R3HCC1L: variants seen among roughly 807,000 people sequenced by gnomAD.
R3HCC1L encodes coiled-coil domain-containing protein R3HCC1L.
Under a neutral mutation model 59.9 loss-of-function variants are expected in R3HCC1L, and 51 were observed. The observed-to-expected ratio is 0.85, with a 90% CI of 0.68 to 1.07. R3HCC1L has a LOEUF of 1.07. R3HCC1L is among the 50% of genes least tolerant of loss of function. The pLI, the probability that R3HCC1L is intolerant of heterozygous loss-of-function variation, is 0.00. For synonymous variants in R3HCC1L, 322 were observed against 315.2 expected, an observed-to-expected ratio of 1.02 and a Z score of -0.23; for missense variants, 965 against 933.0, an observed-to-expected ratio of 1.03 and a Z score of -0.45.
chr10:98,163,210 C>T, intron 3 of R3HCC1L, 83 bp from the exon 4 acceptor site: 1 of 381,752 alleles, frequency 2.6e-6, no homozygotes, highest in Non-Finnish European at 4.7e-6. Flanking sequence ...CAAAGTGAGA[C>T]AATGAAAGTT....
intron 4 of R3HCC1L, among the ~76,000 whole-genome samples, chr10:98,175,533 A>G (rs540499870): frequency 2.6e-4 from 40 of 152,214 alleles, no homozygotes; most frequent in Middle Eastern, 6.8e-3. Context: ...ACAGTTTTGT[A>G]TTTTCCAGGA....
chr10:98,239,030 A>C (rs1264528739), intron 9 of R3HCC1L, among the ~76,000 whole-genome samples: 1 of 152,220 alleles, frequency 6.6e-6, no homozygotes, highest in Non-Finnish European at 1.5e-5. Context: ...TTTGCCATTA[A>C]CTAGCTGCGT....
chr10:98,211,653 A>G (rs1167791237), intron 5 of R3HCC1L, among the ~76,000 whole-genome samples: 2 of 152,136 alleles, frequency 1.3e-5, no homozygotes, highest in Admixed American at 1.3e-4. Flanking sequence ...CGTGGCTCTC[A>G]TGGCCTTTTA....
At chr10:98,215,377 T>G (rs1454616350) in intron 5 of R3HCC1L, among the ~76,000 whole-genome samples, 2 of 151,760 alleles carry the variant, frequency 1.3e-5, no homozygotes, top group Non-Finnish European at 2.9e-5. Flanking sequence ...TTATACATAT[T>G]GAAACAACTC....
At chr10:98,199,630 T>C (rs1851824669) in intron 4 of R3HCC1L, among the ~76,000 whole-genome samples, 1 of 151,966 alleles carries the variant, frequency 6.6e-6, no homozygotes, top group African/African-American at 2.4e-5. Flanking sequence ...ATTAGGAATA[T>C]ACACTTAAGA....
intron 5 of R3HCC1L, chr10:98,211,480 G>T (rs1853566404): frequency 8.3e-7 from 1 of 1,208,530 alleles, no homozygotes; most frequent in Non-Finnish European, 1.1e-6. Flanking sequence ...AAGGTGGGAA[G>T]CTAGGTGAAT....
intron 2 of R3HCC1L, among the ~76,000 whole-genome samples, chr10:98,158,697 T>C (rs911931107): frequency 6.6e-6 from 1 of 152,230 alleles, no homozygotes. Context: ...ATTTTACTCA[T>C]TGGCCCATTG....
intron 4 of R3HCC1L, among the ~76,000 whole-genome samples, chr10:98,197,999 T>G (rs1418629629): frequency 6.6e-6 from 1 of 152,126 alleles, no homozygotes; most frequent in African/African-American, 2.4e-5. Context: ...CTGAAGAATT[T>G]TGAACTGGGA....
intron 5 of R3HCC1L, among the ~76,000 whole-genome samples, chr10:98,212,549 A>G (rs1853702678): frequency 6.6e-6 from 1 of 152,198 alleles, no homozygotes; most frequent in African/African-American, 2.4e-5. Context: ...TGAGTCTCCA[A>G]GAATCACACT....
In R3HCC1L at chr10:98,209,308, A is replaced by G. The variant is rs1250621491; in HGVS notation, c.1194A>G (p.Ala398=). The G allele has an allele frequency of 6.2e-7, 1 of 1,613,988 alleles. No homozygotes were observed. The highest frequency in any genetic ancestry group is 1.1e-5 in the South Asian group (1 of 91,070). The change falls in exon 5 of 10, where the codon GCA becomes GCG. Residue 398 remains alanine, a synonymous_variant. Transcript: ENST00000298999. The stretch of plus-strand genomic sequence containing the variant: ...CTGTTGATAGCCCTTATGTAGTTGC[A>G]GTTAGAATAGCTGATGAGACCTCTA... ...HVTVDSPYVV[A]VRIADETSIN... is the part of the protein sequence containing the mutation.
intron 4 of R3HCC1L, among the ~76,000 whole-genome samples, chr10:98,205,713 G>C (rs1852560960): frequency 6.6e-6 from 1 of 152,138 alleles, no homozygotes; most frequent in Non-Finnish European, 1.5e-5. Context: ...ATAGGAAATA[G>C]TATTACATGT....
chr10:98,188,659 A>C (rs1338990051), intron 4 of R3HCC1L, among the ~76,000 whole-genome samples: 3 of 152,200 alleles, frequency 2.0e-5, no homozygotes, highest in Non-Finnish European at 4.4e-5. Flanking sequence ...GGGGCTTCTC[A>C]TCTCCTAACA....
intron 4 of R3HCC1L, among the ~76,000 whole-genome samples, chr10:98,198,682 A>T (rs1851723659): frequency 1.3e-5 from 2 of 152,158 alleles, no homozygotes; most frequent in African/African-American, 4.8e-5. Context: ...GATCCTTTAA[A>T]AAAATCATTA....
At chr10:98,149,739 A>C (rs1441894333) in intron 1 of R3HCC1L, among the ~76,000 whole-genome samples, 1 of 152,214 alleles carries the variant, frequency 6.6e-6, no homozygotes, top group Non-Finnish European at 1.5e-5. Context: ...TCAAAGATAT[A>C]GTCTGTTCTG....
chr10:98,228,918 C>G (rs1029633430), intron 5 of R3HCC1L, among the ~76,000 whole-genome samples: 1 of 152,058 alleles, frequency 6.6e-6, no homozygotes, highest in African/African-American at 2.4e-5. Flanking sequence ...ATTTCTGAGG[C>G]CTCTGTTCTG....
intron 1 of R3HCC1L, among the ~76,000 whole-genome samples, chr10:98,145,706 C>T (rs1410170596): frequency 6.6e-6 from 1 of 152,204 alleles, no homozygotes; most frequent in Non-Finnish European, 1.5e-5. Flanking sequence ...AATCCCAGCA[C>T]TTTGGGAGGC....
chr10:98,238,636 AAAGAG>A lies in R3HCC1L; in HGVS notation c.2269+2476_2269+2480del, dbSNP rs572903412. Among the ~76,000 whole-genome samples the A allele has an allele frequency of 5.4e-3, 824 of 152,318 alleles. 3 individuals carry two copies. Among genetic ancestry groups the A allele is most frequent in the South Asian group, 0.019 (91 of 4,822 alleles). On this transcript the variant is annotated intron_variant, in intron 9 of 9. Transcript: ENST00000298999. ...CTAAGGTCACCCAGCTGGTAAACTG[AAAGAG>A]AAGGCATCTGAATCTAGGTACCGCT...
intron 1 of R3HCC1L, among the ~76,000 whole-genome samples, chr10:98,152,022 G>T (rs1385608144): frequency 1.3e-5 from 2 of 152,110 alleles, no homozygotes; most frequent in Admixed American, 1.3e-4. Flanking sequence ...GGACTGTACT[G>T]CTGCCATCTC....
intron 4 of R3HCC1L, among the ~76,000 whole-genome samples, chr10:98,164,517 G>C (rs534432691): frequency 1.1e-4 from 16 of 152,068 alleles, no homozygotes; most frequent in Non-Finnish European, 1.9e-4. Flanking sequence ...ATCAAAGTGA[G>C]TTTTAATCTT....
Sources: gnomAD v4.1 joint callset for allele counts (sites outside exome capture counted in the v4.1 genomes callset) on GRCh38, gnomAD v4.1.1 for gene constraint, MANE v1.5 for transcripts, NCBI Gene and HGNC (gene_info 2026-07-23, HGNC 2026-07-21) for gene names.